ZNF248: variants seen among roughly 807,000 people sequenced by gnomAD.
ZNF248 encodes KRAB protein domain.
ZNF248 carries 20 observed loss-of-function variants against 44.3 expected under a neutral mutation model. That is an observed-to-expected ratio of 0.45 (90% confidence interval 0.32 to 0.66). The LOEUF (loss-of-function observed/expected upper bound fraction) is 0.66. Ranked by LOEUF, ZNF248 falls within the 30% of genes least tolerant of loss-of-function variation. The probability of loss-of-function intolerance (pLI) is 0.04; values close to 1 mark genes in which losing one functional copy is unlikely to be tolerated. For synonymous variants in ZNF248, 224 were observed against 229.0 expected, an observed-to-expected ratio of 0.98 and a Z score of 0.20; for missense variants, 654 against 677.0, an observed-to-expected ratio of 0.97 and a Z score of 0.38.
At chr10:37,826,342 G>A (rs571052535), downstream of ZNF248, among the ~76,000 whole-genome samples, 14 of 152,246 alleles carry the variant, frequency 9.2e-5, no homozygotes, top group East Asian at 5.8e-4. Context: ...GAGTGTAACC[G>A]TATGACTTCT....
Position 37,829,405 on chromosome 10 carries a change from C to T in ZNF248, c.*2210G>A. The stretch of plus-strand genomic sequence containing the variant: ...AATTCTGTTTTCCACCAGAAAGAAC[C>T]ATGGCTGATACAAACAGCCATCCCT... On this transcript the variant is annotated 3_prime_UTR_variant, in exon 6 of 6. Transcript: ENST00000395867. 1 of 985,362 alleles carries T rather than the reference C, an allele frequency of 1.0e-6. No homozygotes were observed. The highest frequency in any genetic ancestry group is 1.2e-6 in the Non-Finnish European group (1 of 829,930). 61.0% of individuals were successfully genotyped at this position (985,362 alleles called of 1,614,324 possible).
chr10:37,787,838 T>G (rs1277782498), intron 6 of ZNF248, among the ~76,000 whole-genome samples: 3 of 152,126 alleles, frequency 2.0e-5, no homozygotes, highest in African/African-American at 7.2e-5. Context: ...ATAAAAAAAG[T>G]AAACTAGATT....
chr10:37,762,571 G>A, the ZNF248 span, among the ~76,000 whole-genome samples: 2 of 152,144 alleles, frequency 1.3e-5, no homozygotes, highest in African/African-American at 4.8e-5. Context: ...TTGGGGGATG[G>A]GGGGTTAAGA....
In ZNF248 at chr10:37,818,840, T is replaced by C. The variant is rs2052991911; in HGVS notation, c.330+14185A>G. 25 of 933,178 alleles carry C rather than the reference T, an allele frequency of 2.7e-5. No homozygotes were observed. In the South Asian group the frequency reaches 2.8e-4, roughly 11 times the overall value. 57.8% of individuals were successfully genotyped at this position (933,178 alleles called of 1,614,324 possible). A position where few individuals can be genotyped will look rare whatever the true frequency, so the allele number is the denominator to read the frequency against. ...TGCACTTCAGCAGCTTTAAGAATAG[T>C]ATTCTCTTGTAGGATGTCTTGCTGA... On this transcript the variant is annotated intron_variant, in intron 6 of 6. Transcript: ENST00000615949.
chr10:37,783,398 T>C (rs189974846), intron 6 of ZNF248, among the ~76,000 whole-genome samples: 2 of 152,318 alleles, frequency 1.3e-5, no homozygotes, highest in East Asian at 3.9e-4. Flanking sequence ...ATATAGGAGA[T>C]AAAACCATAA....
rs537098163 is a variant in ZNF248, at chr10:37,841,356, C to A, written c.16-3245G>T. Among the ~76,000 whole-genome samples, 3 of 151,378 alleles carry A rather than the reference C, an allele frequency of 2.0e-5. No individual in the cohort carries two copies. The South Asian group carries it at 6.3e-4, about 32-fold the overall frequency. ...AAAGTATTTATTTTAAAGTTATGTT[C>A]TATTTCCTAACTTAACTCTACTTCC... On this transcript the variant is annotated intron_variant, in intron 3 of 5. Coordinates refer to ENST00000395867, the MANE Select transcript of ZNF248 (RefSeq NM_021045.3).
chr10:37,767,875 A>G, the ZNF248 span, among the ~76,000 whole-genome samples: 12 of 152,206 alleles, frequency 7.9e-5, no homozygotes, highest in Non-Finnish European at 1.6e-4. Context: ...TGTATTCAGG[A>G]AACCCATCTC....
intron 6 of ZNF248, among the ~76,000 whole-genome samples, chr10:37,785,893 G>GAATCTTTAC: frequency 6.6e-6 from 1 of 152,226 alleles, no homozygotes; most frequent in African/African-American, 2.4e-5. Flanking sequence ...TTGTAAAGAA[G>GAATCTTTAC]AAGGGGGTTG....
chr10:37,817,086 G>A (rs777198823), intron 6 of ZNF248, among the ~76,000 whole-genome samples: 51 of 152,244 alleles, frequency 3.3e-4, no homozygotes, highest in African/African-American at 1.2e-3. Flanking sequence ...GGAGATGTAT[G>A]AGAAATACTA....
the ZNF248 span, among the ~76,000 whole-genome samples, chr10:37,759,513 T>C: frequency 6.6e-6 from 1 of 152,156 alleles, no homozygotes; most frequent in East Asian, 1.9e-4. Flanking sequence ...CTGTGAAGAA[T>C]GAGGAGAGAA....
At chr10:37,846,200 C>A (rs1316367611) in intron 3 of ZNF248, among the ~76,000 whole-genome samples, 18 of 152,174 alleles carry the variant, frequency 1.2e-4, no homozygotes, top group Admixed American at 1.2e-3. Context: ...TCAGTTTTAG[C>A]TTTTTCTGTG....
At chr10:37,840,235 G>GA (rs1343351157) in intron 3 of ZNF248, among the ~76,000 whole-genome samples, 2 of 152,016 alleles carry the variant, frequency 1.3e-5, no homozygotes, top group Non-Finnish European at 2.9e-5. Context: ...CTACAAAAAT[G>GA]AAAAAACAAA....
chr10:37,803,576 C>T (rs2050101756), intron 6 of ZNF248: 1 of 152,304 alleles, frequency 6.6e-6, no homozygotes. Flanking sequence ...CTTTCCTGGC[C>T]TTTTCCACTC....
intron 6 of ZNF248, chr10:37,803,118 T>C (rs1208679): frequency 0.06 from 9,136 of 152,294 alleles, 349 homozygotes; most frequent in Middle Eastern, 0.098. Flanking sequence ...GCCACCGAGC[T>C]CAGCCCTAAT....
intron 6 of ZNF248, among the ~76,000 whole-genome samples, chr10:37,797,412 T>C (rs1003229931): frequency 1.3e-5 from 2 of 152,104 alleles, no homozygotes; most frequent in Non-Finnish European, 2.9e-5. Flanking sequence ...TTCTTAGATA[T>C]GACACCCAAA....
chr10:37,820,594 A>G, intron 6 of ZNF248: 1 of 1,592,256 alleles, frequency 6.3e-7, no homozygotes, highest in Non-Finnish European at 8.6e-7. Context: ...AGTAATCACT[A>G]ATTTTACGTC....
intron 3 of ZNF248, among the ~76,000 whole-genome samples, chr10:37,842,993 G>C (rs937015283): frequency 6.6e-6 from 1 of 152,138 alleles, no homozygotes. Flanking sequence ...ATGTTAAAGA[G>C]TACCCCAGCG....
At chr10:37,796,614 ATCTTAG>A (rs1316465995) in intron 6 of ZNF248, among the ~76,000 whole-genome samples, 4 of 152,082 alleles carry the variant, frequency 2.6e-5, no homozygotes, top group Admixed American at 2.0e-4. Flanking sequence ...TGATATAGTC[ATCTTAG>A]TCTATCAGAG....
chr10:37,829,654 C>A lies in ZNF248; in HGVS notation c.*1961G>T, dbSNP rs2055091878. The A allele has an allele frequency of 1.0e-6, 1 of 985,212 alleles. No individual in the cohort carries two copies. Among genetic ancestry groups the A allele is most frequent in the African/African-American group, 1.7e-5 (1 of 57,212 alleles). 61.0% of individuals were successfully genotyped at this position (985,212 alleles called of 1,614,324 possible). A position where few individuals can be genotyped will look rare whatever the true frequency, so the allele number is the denominator to read the frequency against. On this transcript the variant is annotated 3_prime_UTR_variant, in exon 6 of 6. Coordinates refer to ENST00000395867, the MANE Select transcript of ZNF248 (RefSeq NM_021045.3). Reference sequence around the variant, plus strand: ...CAACGTCACCTCTGAGCTGGCTTTTCCCACCTTGTGCACTGTTATCTTCAG... The same window carrying A: ...CAACGTCACCTCTGAGCTGGCTTTTACCACCTTGTGCACTGTTATCTTCAG...
Sources: allele counts gnomAD v4.1 joint callset (sites outside exome capture counted in the v4.1 genomes callset), GRCh38; gene constraint gnomAD v4.1.1; transcripts MANE v1.5; gene names NCBI Gene and HGNC (gene_info 2026-07-23, HGNC 2026-07-21).